OSBPL8: variants seen among roughly 807,000 people sequenced by gnomAD.
OSBPL8 encodes the protein oxysterol binding protein like 8, also known as oxysterol-binding protein-related protein 8.
Under a neutral mutation model 125.5 loss-of-function variants are expected in OSBPL8, and 59 were observed. The ratio of observed to expected loss-of-function variants is 0.47; its 90% CI spans 0.38 to 0.58. The LOEUF is 0.58. Among genes scored for constraint, OSBPL8 ranks in the 20% least tolerant of loss-of-function variants. OSBPL8 has a pLI of 0.00. For missense variants in OSBPL8, 758 were observed against 1,047.8 expected, an observed-to-expected ratio of 0.72 and a Z score of 3.82; for synonymous variants, 330 against 338.9, an observed-to-expected ratio of 0.97 and a Z score of 0.29.
At chr12:76,370,503 CA>C (rs1364786347) in intron 19 of OSBPL8, among the ~76,000 whole-genome samples, 1 of 152,158 alleles carries the variant, frequency 6.6e-6, no homozygotes, top group African/African-American at 2.4e-5. Context: ...ATCAGATAGA[CA>C]TGAGTCAAGT....
chr12:76,495,063 G>A (rs2137074240), intron 1 of OSBPL8, among the ~76,000 whole-genome samples: 1 of 152,264 alleles, frequency 6.6e-6, no homozygotes. Flanking sequence ...CCTCAACAGA[G>A]CTGCCTTCTC....
chr12:76,528,183 T>C (rs759596249), intron 1 of OSBPL8, among the ~76,000 whole-genome samples: 5 of 151,998 alleles, frequency 3.3e-5, no homozygotes, highest in Non-Finnish European at 7.4e-5. Flanking sequence ...TAGCTGGGCA[T>C]GGTGGCACAT....
chr12:76,379,896 A>G (rs912795045), intron 15 of OSBPL8, among the ~76,000 whole-genome samples: 4 of 152,216 alleles, frequency 2.6e-5, no homozygotes, highest in African/African-American at 9.6e-5. Flanking sequence ...TTCTGAGTTC[A>G]TGGTAAATGT....
chr12:76,469,467 T>C (rs901582504), intron 2 of OSBPL8, among the ~76,000 whole-genome samples: 2 of 152,198 alleles, frequency 1.3e-5, no homozygotes, highest in South Asian at 2.1e-4. Context: ...ACACTGACTC[T>C]GTACCTCCAC....
At chr12:76,476,799 T>G (rs1013626447) in intron 2 of OSBPL8, among the ~76,000 whole-genome samples, 1 of 151,988 alleles carries the variant, frequency 6.6e-6, no homozygotes, top group Non-Finnish European at 1.5e-5. Flanking sequence ...TCGCCAGACA[T>G]ACATTCATAA....
At chr12:76,472,542 T>C (rs577962304) in intron 2 of OSBPL8, among the ~76,000 whole-genome samples, 8 of 152,096 alleles carry the variant, frequency 5.3e-5, no homozygotes, top group East Asian at 1.9e-4. Context: ...GCTGTGCTGA[T>C]ATTTATTGGA....
intron 2 of OSBPL8, among the ~76,000 whole-genome samples, chr12:76,471,234 G>GAGAAAGGGAAGATGAAGTCGGTTTT (rs1876101215): frequency 6.6e-6 from 1 of 152,118 alleles, no homozygotes; most frequent in Non-Finnish European, 1.5e-5. Flanking sequence ...GAAACTGTAT[G>GAGAAAGGGAAGATGAAGTCGGTTTT]GGACACCAAG....
chr12:76,495,057 A>G (rs1436044955), intron 1 of OSBPL8, among the ~76,000 whole-genome samples: 1 of 152,180 alleles, frequency 6.6e-6, no homozygotes, highest in Non-Finnish European at 1.5e-5. Context: ...TACCTGCCTC[A>G]ACAGAGCTGC....
At position 76,526,891 on chromosome 12, in the gene OSBPL8, T is replaced by C. The variant is rs79080645; in HGVS notation, c.-68+32506A>G. 1.1e-3 allele frequency among the ~76,000 whole-genome samples: 162 copies of C among 151,988 alleles called. 1 individual carries two copies. The highest frequency in any genetic ancestry group is 3.9e-3 in the African/African-American group (161 of 41,406). The stretch of plus-strand genomic sequence containing the variant: ...GTCTCGAACTCCTGACCTCAGGTGA[T>C]CCACCGTCTCAGCCTCCCAAAATGC... On this transcript the variant is annotated intron_variant, in intron 1 of 23. Transcript: ENST00000261183.
At chr12:76,544,576 T>C (rs1027822587) in intron 1 of OSBPL8, among the ~76,000 whole-genome samples, 2 of 152,184 alleles carry the variant, frequency 1.3e-5, no homozygotes, top group Non-Finnish European at 2.9e-5. Flanking sequence ...GCACAACTCA[T>C]AGACATGCCT....
intron 1 of OSBPL8, among the ~76,000 whole-genome samples, chr12:76,548,069 T>C (rs554704109): frequency 2.0e-5 from 3 of 152,290 alleles, no homozygotes; most frequent in East Asian, 3.9e-4. Flanking sequence ...CTCTGTTTCT[T>C]CTGTTTATGA....
rs1229876360 is a variant in OSBPL8 at position 76,512,780 on chromosome 12, T to C, written c.-67-25162A>G. Among the ~76,000 whole-genome samples the C allele has an allele frequency of 2.0e-5, 3 of 152,234 alleles. No homozygotes were observed. The East Asian group carries it at 5.8e-4, about 29-fold the overall frequency. ...AATCTGTAAATTGCTTTGGGCAGTATGGCCATTTCAATGATATTGATTCTT... is the reference window on the plus strand; with the variant it reads ...AATCTGTAAATTGCTTTGGGCAGTACGGCCATTTCAATGATATTGATTCTT... On this transcript the variant is annotated intron_variant, in intron 1 of 23. Transcript: ENST00000261183.
At chr12:76,369,407 C>A in intron 20 of OSBPL8, 106 bp from the exon 21 acceptor site, 1 of 1,436,870 alleles carries the variant, frequency 7.0e-7, no homozygotes. Context: ...ATACATAGTT[C>A]TAATAATGAG....
intron 9 of OSBPL8, among the ~76,000 whole-genome samples, chr12:76,393,886 G>C (rs190378653): frequency 3.2e-4 from 49 of 152,080 alleles, no homozygotes; most frequent in Middle Eastern, 3.4e-3. Context: ...TGGGCGTGGT[G>C]GCATGTGCCT....
intron 5 of OSBPL8, among the ~76,000 whole-genome samples, chr12:76,408,405 T>C (rs1201925159): frequency 3.6e-5 from 5 of 137,298 alleles, no homozygotes; most frequent in Non-Finnish European, 7.5e-5. Context: ...GAGCTTGCAG[T>C]GAGCCGAGAT....
At chr12:76,471,429 C>T (rs1876121514) in intron 2 of OSBPL8, among the ~76,000 whole-genome samples, 1 of 152,016 alleles carries the variant, frequency 6.6e-6, no homozygotes, top group South Asian at 2.1e-4. Context: ...CTTTTATTTT[C>T]CTCATCTATA....
intron 16 of OSBPL8, 59 bp from the exon 17 acceptor site, chr12:76,375,429 G>A (rs7299563): frequency 0.77 from 859,737 of 1,118,318 alleles, 333,038 homozygotes; most frequent in East Asian, 0.92. Context: ...TATGGCTCAC[G>A]ATAAACAGTT....
intron 2 of OSBPL8, among the ~76,000 whole-genome samples, chr12:76,460,127 C>T (rs1874540175): frequency 6.6e-6 from 1 of 152,132 alleles, no homozygotes; most frequent in South Asian, 2.1e-4. Context: ...TTTGTTTTAT[C>T]TTTAGAAAAT....
At chr12:76,386,435 T>G (rs1592577027) in intron 13 of OSBPL8, 144 bp downstream of exon 13, 5 of 1,283,320 alleles carry the variant, frequency 3.9e-6, no homozygotes, top group Non-Finnish European at 3.1e-6. Context: ...TCATAATACA[T>G]GTCTAAATGA....
Sources: gnomAD v4.1 joint callset for allele counts (sites outside exome capture counted in the v4.1 genomes callset) on GRCh38, gnomAD v4.1.1 for gene constraint, MANE v1.5 for transcripts, NCBI Gene and HGNC (gene_info 2026-07-23, HGNC 2026-07-21) for gene names.